The following YAF2 variants were observed in gnomAD, a reference collection of about 807,000 sequenced individuals.
YAF2 encodes YY1-associated factor 2.
YAF2 carries 7 observed loss-of-function variants against 20.1 expected under a neutral mutation model. That is an observed-to-expected ratio of 0.35 (90% CI 0.20 to 0.65). The LOEUF (loss-of-function observed/expected upper bound fraction) is 0.65. Among genes scored for constraint, YAF2 ranks in the 30% least tolerant of loss-of-function variants. YAF2 has a pLI of 0.69. For synonymous variants in YAF2, 74 were observed against 76.0 expected, an observed-to-expected ratio of 0.97 and a Z score of 0.14; for missense variants, 151 against 219.2, an observed-to-expected ratio of 0.69 and a Z score of 1.96.
In YAF2 at chr12:42,238,218, G is replaced by T. The variant is rs761357783; in HGVS notation, c.-38C>A. On this transcript the variant is annotated 5_prime_UTR_variant, in exon 1 of 4. Coordinates refer to ENST00000534854, the MANE Select transcript of YAF2 (RefSeq NM_005748.6). ...ACCGCACGCCGAGAGTCGCCGCCGC[G>T]ACCGCTCTGTTTGTCAATAAGGAGG... The T allele has an allele frequency of 2.4e-5, 31 of 1,316,286 alleles. No individual in the cohort carries two copies. The East Asian group carries it at 1.1e-3, about 47-fold the overall frequency. The allele number at this position is 1,316,286 out of a possible 1,614,324, so 81.5% of individuals were successfully genotyped here. A position where few individuals can be genotyped will look rare whatever the true frequency, so the allele number is the denominator to read the frequency against.
At chr12:42,214,684 G>C (rs992046902) in intron 2 of YAF2, among the ~76,000 whole-genome samples, 2 of 151,262 alleles carry the variant, frequency 1.3e-5, no homozygotes, top group African/African-American at 2.4e-5. Context: ...ATTTTTTTTT[G>C]GTATTTTTTT....
intron 2 of YAF2, among the ~76,000 whole-genome samples, chr12:42,211,037 A>T (rs1188265147): frequency 6.6e-6 from 1 of 152,220 alleles, no homozygotes; most frequent in African/African-American, 2.4e-5. Flanking sequence ...TGTCATTAAC[A>T]TTCACTAGAT....
intron 2 of YAF2, among the ~76,000 whole-genome samples, chr12:42,163,449 A>C (rs1000866805): frequency 6.6e-6 from 1 of 152,172 alleles, no homozygotes. Context: ...TGGTCTAATA[A>C]ATGATCATGT....
intron 2 of YAF2, among the ~76,000 whole-genome samples, chr12:42,184,578 G>A (rs1467126406): frequency 2.6e-5 from 4 of 152,074 alleles, no homozygotes; most frequent in Non-Finnish European, 4.4e-5. Flanking sequence ...TCAAAGTGCC[G>A]GGATTACAGG....
At chr12:42,193,132 T>A (rs2066658394) in intron 2 of YAF2, among the ~76,000 whole-genome samples, 1 of 152,002 alleles carries the variant, frequency 6.6e-6, no homozygotes, top group Non-Finnish European at 1.5e-5. Flanking sequence ...CTGGCCAACA[T>A]GGTGAAACCC....
chr12:42,160,620 T>G lies in YAF2; in HGVS notation c.512A>C (p.Glu171Ala). 1 of 1,613,692 alleles carries G rather than the reference T, an allele frequency of 6.2e-7. No homozygotes were observed. The highest frequency in any genetic ancestry group is 8.5e-7 in the Non-Finnish European group (1 of 1,179,804). ...AGATTCTCCATTCAATGATGAGGCT[T>G]CTCCTCTGGGTGAAGATGACCTGGA... ...GMSRSSSPRG[E>A]ASSLNGESH Residue 171 changes from glutamate to alanine, a missense_variant, in exon 4 of 4, where the codon GAA becomes GCA. This residue lies in a region of YAF2 where 51 missense variants were observed against 48.9 expected (regional missense o/e 1.04). Transcript: ENST00000534854.
At chr12:42,234,606 C>T (rs2068086451) in intron 2 of YAF2, 1 of 985,110 alleles carries the variant, frequency 1.0e-6, no homozygotes, top group South Asian at 4.7e-5. Flanking sequence ...ACATGACCTA[C>T]CATGGATATA....
intron 2 of YAF2, among the ~76,000 whole-genome samples, chr12:42,237,070 T>C (rs1478077783): frequency 6.6e-6 from 1 of 152,238 alleles, no homozygotes; most frequent in East Asian, 1.9e-4. Context: ...ACTACTTATT[T>C]ATAAAATATT....
At chr12:42,179,789 C>CAAAAAAAAAAAAAAA (rs71084622) in intron 2 of YAF2, among the ~76,000 whole-genome samples, 5 of 85,126 alleles carry the variant, frequency 5.9e-5, no homozygotes, top group East Asian at 3.5e-4. Context: ...GTCTAAAAGG[C>CAAAAAAAAAAAAAAA]AAAAAAAAAA....
chr12:42,172,108 G>C (rs936595335), intron 2 of YAF2: 3 of 152,130 alleles, frequency 2.0e-5, no homozygotes, highest in African/African-American at 7.2e-5. Flanking sequence ...GCAATGCTGG[G>C]AAAATCCTTA....
At chr12:42,235,033 A>C (rs1397978049) in intron 2 of YAF2, 1 of 985,296 alleles carries the variant, frequency 1.0e-6, no homozygotes, top group Non-Finnish European at 1.2e-6. Context: ...TAGAACAAGG[A>C]CTCAATCTTC....
intron 2 of YAF2, among the ~76,000 whole-genome samples, chr12:42,170,181 G>A (rs1359185045): frequency 6.6e-6 from 1 of 152,026 alleles, no homozygotes; most frequent in Non-Finnish European, 1.5e-5. Context: ...TATGTTATGT[G>A]TTTTTGATAA....
chr12:42,181,161 G>T (rs2066332560), intron 2 of YAF2, among the ~76,000 whole-genome samples: 1 of 152,198 alleles, frequency 6.6e-6, no homozygotes, highest in Non-Finnish European at 1.5e-5. Flanking sequence ...GCTGTCCTTT[G>T]TTTGAGGTTA....
chr12:42,235,753 G>T, intron 2 of YAF2: 1 of 1,535,118 alleles, frequency 6.5e-7, no homozygotes, highest in Non-Finnish European at 8.7e-7. Context: ...GAGCTTAGAT[G>T]TACTGGTAAA....
intron 2 of YAF2, chr12:42,233,691 T>A: frequency 1.2e-6 from 1 of 825,306 alleles, no homozygotes; most frequent in Non-Finnish European, 1.5e-6. Context: ...TTTTTAATTT[T>A]TAGTAGAGAC....
At chr12:42,226,591 G>C (rs1450386827) in intron 2 of YAF2, among the ~76,000 whole-genome samples, 1 of 152,090 alleles carries the variant, frequency 6.6e-6, no homozygotes, top group African/African-American at 2.4e-5. Flanking sequence ...TTCAACCTGG[G>C]AGGTTGAGGC....
rs919436696 is a variant in YAF2, at chr12:42,232,790, G to A, written c.152+4809C>T. 94 of 985,272 alleles carry A rather than the reference G, an allele frequency of 9.5e-5. 1 individual carries two copies. In the African/African-American group the frequency reaches 1.4e-3, roughly 15 times the overall value. The allele number at this position is 985,272 out of a possible 1,614,324, so 61.0% of individuals were successfully genotyped here. On this transcript the variant is annotated intron_variant, in intron 2 of 3. Coordinates refer to ENST00000534854, the MANE Select transcript of YAF2 (RefSeq NM_005748.6). ...TTGGTTTAAGCTTCTTTCAGAATGT[G>A]GATTTTATAGCTTACTTTTAAAAGA... is the stretch of plus-strand genomic sequence containing the variant.
intron 2 of YAF2, among the ~76,000 whole-genome samples, chr12:42,164,215 A>G (rs1379265433): frequency 6.6e-6 from 1 of 152,210 alleles, no homozygotes; most frequent in Non-Finnish European, 1.5e-5. Flanking sequence ...ATATTCACCA[A>G]TTTGGGGATC....
chr12:42,205,709 T>C (rs2067022303), intron 2 of YAF2, among the ~76,000 whole-genome samples: 6 of 152,180 alleles, frequency 3.9e-5, no homozygotes, highest in Non-Finnish European at 8.8e-5. Context: ...AATTCTGTTT[T>C]CATTTTTATT....
Sources: allele counts gnomAD v4.1 joint callset (sites outside exome capture counted in the v4.1 genomes callset), GRCh38; gene constraint gnomAD v4.1.1; regional missense constraint gnomAD v4.1.1; transcripts MANE v1.5; gene names NCBI Gene and HGNC (gene_info 2026-07-23, HGNC 2026-07-21).